Variants in MYBPHL observed in about 807,000 individuals in gnomAD.
MYBPHL encodes the protein myosin binding protein H like.
A neutral mutation model predicts 39.5 loss-of-function variants in MYBPHL; 32 were observed. The ratio of observed to expected loss-of-function variants is 0.81; its 90% confidence interval spans 0.61 to 1.09. The LOEUF is 1.09. Ranked by LOEUF, MYBPHL falls within the 50% of genes least tolerant of loss-of-function variation. The pLI is 0.00. For synonymous variants in MYBPHL, 196 were observed against 183.7 expected (o/e 1.07, Z -0.54); for missense variants, 456 against 460.2 (o/e 0.99, Z 0.08).
At chr1:109,298,468 C>T (rs1658167890) in intron 1 of MYBPHL, among the ~76,000 whole-genome samples, 1 of 152,142 alleles carries the variant, frequency 6.6e-6, no homozygotes, top group African/African-American at 2.4e-5. Flanking sequence ...AAAGTCTCAG[C>T]AGAAGGAACA....
chr1:109,296,880 G>T lies in MYBPHL; in HGVS notation c.633C>A (p.Ile211=), dbSNP rs148659131. 5.0e-6 allele frequency: 8 copies of T among 1,614,176 alleles called. No individual in the cohort carries two copies. Among genetic ancestry groups the T allele is most frequent in the Non-Finnish European group, 6.8e-6 (8 of 1,180,030 alleles). Residue 211 remains isoleucine, a synonymous_variant, in exon 5 of 9, where the codon ATC becomes ATA. Transcript: ENST00000357155. ...RTSCIVSDLI[I]GNSYAFRVFA... is the part of the protein sequence containing the mutation. Reference sequence around the variant, plus strand: ...AGACACGGAAGGCATAGGAGTTGCCGATGATGAGGTCAGAGACGATGCAGC... The same window carrying T: ...AGACACGGAAGGCATAGGAGTTGCCTATGATGAGGTCAGAGACGATGCAGC...
chr1:109,301,251 T>C (rs1658267925), intron 1 of MYBPHL, among the ~76,000 whole-genome samples: 1 of 152,170 alleles, frequency 6.6e-6, no homozygotes, highest in Non-Finnish European at 1.5e-5. Flanking sequence ...AACCAAAGCC[T>C]AGAGTCTTTA....
intron 1 of MYBPHL, among the ~76,000 whole-genome samples, chr1:109,304,982 G>A (rs928050456): frequency 2.6e-5 from 4 of 152,206 alleles, no homozygotes; most frequent in African/African-American, 9.6e-5. Flanking sequence ...GAGGAGTTAG[G>A]AGGAAGAAAG....
intron 5 of MYBPHL, among the ~76,000 whole-genome samples, 191 bp downstream of exon 5, chr1:109,296,592 C>T (rs1374221044): frequency 6.6e-6 from 1 of 152,062 alleles, no homozygotes; most frequent in Non-Finnish European, 1.5e-5. Context: ...GCGTGCACCA[C>T]CATGCCTGGC....
chr1:109,295,190 G>C lies in MYBPHL; in HGVS notation c.975C>G (p.Pro325=), dbSNP rs758171599. 2.5e-6 allele frequency: 4 copies of C among 1,614,124 alleles called. 1 individual carries two copies. Among genetic ancestry groups the C allele is most frequent in the Non-Finnish European group, 3.4e-6 (4 of 1,180,016 alleles). The part of the protein sequence containing the change: ...ICSLEIRKPG[P]FDGGIYTCKA... ...TGCAGGTATAGATGCCTCCATCAAA[G>C]GGACCCGGCTTGCGGATCTCTAGGG... The change falls in exon 7 of 9, where the codon CCC becomes CCG. Residue 325 remains proline, a synonymous_variant. Transcript: ENST00000357155.
rs747269299 is a variant in MYBPHL at position 109,296,794 on chromosome 1, A to G, written c.719T>C (p.Ile240Thr). The G allele has an allele frequency of 6.2e-7, 1 of 1,613,934 alleles. No homozygotes were observed. The highest frequency in any genetic ancestry group is 8.5e-7 in the Non-Finnish European group (1 of 1,179,982). The change falls in exon 5 of 9, where the codon ATC becomes ACC. Residue 240 changes from isoleucine to threonine, a missense_variant. Physicochemically the swap from Ile to Thr is moderately conservative, Grantham distance 89. Transcript: ENST00000357155. The part of the protein sequence containing the change: ...TAPITTDLAH[I>T]QKAATVYKTK... ...CATGCCTCCCTTACCTGCTTTCTGGATGTGGGCGAGGTCCGTAGTGATGGG... is the reference window on the plus strand; with the variant it reads ...CATGCCTCCCTTACCTGCTTTCTGGGTGTGGGCGAGGTCCGTAGTGATGGG...
chr1:109,295,213 G>C lies in MYBPHL; in HGVS notation c.952C>G (p.Leu318Val). The change falls in exon 7 of 9, where the codon CTA (leucine) becomes GTA (valine). Residue 318 changes from leucine to valine, a missense_variant. Leu to Val is a conservative substitution (Grantham distance 32, BLOSUM62 1). Transcript: ENST00000357155. ...RALTHLGICS[L>V]EIRKPGPFDG... The stretch of plus-strand genomic sequence containing the variant: ...AAGGGACCCGGCTTGCGGATCTCTA[G>C]GGAGCAGATTCCCAGGTGAGTCAGG... 1 of 1,614,170 alleles carries C rather than the reference G, an allele frequency of 6.2e-7. No individual in the cohort carries two copies. The highest frequency in any genetic ancestry group is 8.5e-7 in the Non-Finnish European group (1 of 1,180,014).
Position 109,298,204 on chromosome 1 carries a change from C to G in MYBPHL, c.199G>C (p.Val67Leu). The part of the protein sequence containing the change: ...RALRQTYIRK[V>L]GDTVNLLIPF... ...ATTAGTAGGTTCACTGTGTCCCCAA[C>G]CTTCCGGATGTAGGTCTGCCTCAGG... Residue 67 changes from valine (V) to leucine (L), a missense_variant, in exon 2 of 9, where the codon GTT becomes CTT. Val to Leu is a conservative substitution (Grantham distance 32, BLOSUM62 1). Coordinates refer to ENST00000357155, the MANE Select transcript of MYBPHL (RefSeq NM_001010985.3). 6.2e-7 allele frequency: 1 copy of G among 1,610,274 alleles called. No homozygotes were observed. Among genetic ancestry groups the G allele is most frequent in the Non-Finnish European group, 8.5e-7 (1 of 1,178,398 alleles).
chr1:109,299,757 C>T (rs112970643), intron 1 of MYBPHL, among the ~76,000 whole-genome samples: 1 of 152,242 alleles, frequency 6.6e-6, no homozygotes, highest in Non-Finnish European at 1.5e-5. Context: ...CCTCCCTGCC[C>T]TGCTCAGGTC....
At chr1:109,302,458 C>T (rs936142401) in intron 1 of MYBPHL, among the ~76,000 whole-genome samples, 3 of 152,046 alleles carry the variant, frequency 2.0e-5, no homozygotes, top group African/African-American at 7.3e-5. Context: ...TAGGAACAGG[C>T]AACACTTCTC....
rs1351059109 is a variant in MYBPHL, at chr1:109,296,909, T to C, written c.604A>G (p.Thr202Ala). ...WFTVLEHYHR[T>A]SCIVSDLIIG... ...ATGAGGTCAGAGACGATGCAGCTGG[T>C]GCGGTGATAGTGCTCCAGCACCGTG... Residue 202 changes from threonine (T) to alanine (A), a missense_variant, in exon 5 of 9, where the codon ACC becomes GCC. Thr to Ala is a moderately conservative substitution (Grantham distance 58). Coordinates refer to ENST00000357155, the MANE Select transcript of MYBPHL (RefSeq NM_001010985.3). 4 of 1,614,038 alleles carry C rather than the reference T, an allele frequency of 2.5e-6. No individual in the cohort carries two copies. The African/African-American group carries it at 4.0e-5, about 16-fold the overall frequency.
chr1:109,297,303 T>C (rs1658112548), intron 3 of MYBPHL, 114 bp from the exon 4 acceptor site: 1 of 1,566,918 alleles, frequency 6.4e-7, no homozygotes, highest in African/African-American at 1.4e-5. Flanking sequence ...GCCCACCCTG[T>C]GTCCCAGACA....
Position 109,296,223 on chromosome 1 carries a change from C to A in MYBPHL, c.867+11G>T, listed in dbSNP as rs777164232. The A allele has an allele frequency of 5.6e-6, 9 of 1,612,300 alleles. No homozygotes were observed. The East Asian group carries it at 6.7e-5, about 12-fold the overall frequency. On this transcript the variant is annotated intron_variant, in intron 6 of 8. Coordinates refer to ENST00000357155, the MANE Select transcript of MYBPHL (RefSeq NM_001010985.3). The stretch of plus-strand genomic sequence containing the variant: ...CAGCTCAGCACAGTGCCCCCCAGAG[C>A]CCCCACTCACCCGGGGAGAGGCGCG...
chr1:109,294,428 G>A (rs1657982113), intron 7 of MYBPHL, among the ~76,000 whole-genome samples, 179 bp from the exon 8 acceptor site: 1 of 152,170 alleles, frequency 6.6e-6, no homozygotes, highest in Non-Finnish European at 1.5e-5. Flanking sequence ...CTTGATCCAT[G>A]CAACAAACAT....
At position 109,297,041 on chromosome 1, in the gene MYBPHL, T is replaced by G; in HGVS notation, c.570+9A>C. On this transcript the variant is annotated intron_variant, in intron 4 of 8. Transcript: ENST00000357155. ...TCTTCCACCCTCCTTCCTTCCCAGCTGGCCTCACCCCGGATTTTGTGTCAG... is the reference window on the plus strand; with the variant it reads ...TCTTCCACCCTCCTTCCTTCCCAGCGGGCCTCACCCCGGATTTTGTGTCAG... The G allele has an allele frequency of 6.2e-7, 1 of 1,614,152 alleles. No homozygotes were observed. The highest frequency in any genetic ancestry group is 2.2e-5 in the East Asian group (1 of 44,876).
At chr1:109,301,520 C>T (rs2101484211) in intron 1 of MYBPHL, among the ~76,000 whole-genome samples, 1 of 152,262 alleles carries the variant, frequency 6.6e-6, no homozygotes, top group African/African-American at 2.4e-5. Context: ...GAGGGTGGAT[C>T]ACCTGAGGTC....
chr1:109,296,125 C>A, intron 6 of MYBPHL, 109 bp downstream of exon 6: 2 of 1,377,474 alleles, frequency 1.5e-6, no homozygotes, highest in Non-Finnish European at 2.0e-6. Flanking sequence ...AGGCAGATGG[C>A]GGTGATGGTA....
rs1043895376 is a variant in MYBPHL at position 109,295,556 on chromosome 1, G to A, written c.868-259C>T. On this transcript the variant is annotated intron_variant, in intron 6 of 8. Transcript: ENST00000357155. ...GACTGGAAGAAAACTGCTAACTTCCGTTCCGGGCTCTCAGGCAGCCCCTTT... is the reference window on the plus strand; with the variant it reads ...GACTGGAAGAAAACTGCTAACTTCCATTCCGGGCTCTCAGGCAGCCCCTTT... Among the ~76,000 whole-genome samples the A allele has an allele frequency of 1.6e-4, 25 of 152,164 alleles. 2 individuals are homozygous for A. Among genetic ancestry groups the A allele is most frequent in the Admixed American group, 1.1e-3 (17 of 15,284 alleles).
chr1:109,298,170 T>C lies in MYBPHL; in HGVS notation c.233A>G (p.Gln78Arg). The C allele has an allele frequency of 6.2e-7, 1 of 1,605,262 alleles. No individual in the cohort carries two copies. ...GDTVNLLIPFQGKPKPQAIWT... is the reference protein window; with the variant it reads ...GDTVNLLIPFRGKPKPQAIWT... ...CCAGTATGGGGCTGGCATGATCACC[T>C]GGAATGGGATTAGTAGGTTCACTGT... Residue 78 changes from glutamine (Q) to arginine (R), a missense_variant and splice_region_variant, in exon 2 of 9, where the codon CAG becomes CGG. Transcript: ENST00000357155.
Sources: allele counts gnomAD v4.1 joint callset (sites outside exome capture counted in the v4.1 genomes callset), GRCh38; gene constraint gnomAD v4.1.1; transcripts MANE v1.5; gene names NCBI Gene and HGNC (gene_info 2026-07-23, HGNC 2026-07-21).